Variants in VNN2 observed in about 807,000 individuals in gnomAD.
VNN2 encodes pantetheine hydrolase VNN2.
Under a neutral mutation model 43.0 loss-of-function variants are expected in VNN2, and 43 were observed. The ratio of observed to expected loss-of-function variants is 1.00; its 90% CI spans 0.78 to 1.29. The LOEUF (loss-of-function observed/expected upper bound fraction) is 1.29. Among genes scored for constraint, VNN2 ranks in the 50% most tolerant of loss-of-function variants. VNN2 has a pLI of 0.00. For missense variants in VNN2, 652 were observed against 619.7 expected (o/e 1.05, Z -0.55); for synonymous variants, 230 against 224.3 (o/e 1.03, Z -0.23).
At position 132,752,611 on chromosome 6, in the gene VNN2, CT is replaced by C. The variant is rs1351819165; in HGVS notation, c.675del (p.Asp226IlefsTer14). ...AACAGTATGGTGTCCACATGGAAAT[CT>C]TTCACCAGGGTAACACCAGGATCAT... ...FFYDPGVTLV[K>X]DFHVDTILFP... On this transcript the variant is annotated frameshift_variant, in exon 4 of 7. Coordinates refer to ENST00000326499, the MANE Select transcript of VNN2 (RefSeq NM_004665.6). LOFTEE classifies it high-confidence loss of function. The C allele has an allele frequency of 6.2e-7, 1 of 1,614,150 alleles. No individual in the cohort carries two copies. The highest frequency in any genetic ancestry group is 2.2e-5 in the East Asian group (1 of 44,874).
At chr6:132,762,385 A>G (rs1780759113), upstream of VNN2, among the ~76,000 whole-genome samples, 1 of 152,238 alleles carries the variant, frequency 6.6e-6, no homozygotes, top group Non-Finnish European at 1.5e-5. Context: ...AAATAAGAAT[A>G]AGAAGCAACA....
intron 5 of VNN2, among the ~76,000 whole-genome samples, chr6:132,750,667 A>C (rs1451213048): frequency 6.7e-6 from 1 of 150,338 alleles, no homozygotes; most frequent in East Asian, 1.9e-4. Context: ...GTCTCAAAAA[A>C]AAAAAAAAGA....
chr6:132,753,374 C>G (rs1181935056), intron 3 of VNN2: 5 of 390,340 alleles, frequency 1.3e-5, no homozygotes, highest in African/African-American at 2.1e-5. Flanking sequence ...TCTTTGAATC[C>G]TTGGTGCCTA....
chr6:132,747,762 T>C (rs1010432650), intron 6 of VNN2, among the ~76,000 whole-genome samples: 1 of 152,224 alleles, frequency 6.6e-6, no homozygotes, highest in Non-Finnish European at 1.5e-5. Flanking sequence ...GGGATGAAAT[T>C]TTTAAAACAA....
chr6:132,753,003 A>ACC (rs35794301), intron 3 of VNN2: 46 of 388,818 alleles, frequency 1.2e-4, no homozygotes, highest in South Asian at 7.0e-4. Context: ...AGAGCCAAAT[A>ACC]CCCCCCCATA....
chr6:132,756,436 T>C (rs1780483007), intron 2 of VNN2, among the ~76,000 whole-genome samples: 1 of 152,220 alleles, frequency 6.6e-6, no homozygotes. Context: ...CAGTCCCTCT[T>C]GCTGTTGCCA....
Position 132,744,094 on chromosome 6 carries a change from T to C in VNN2, c.*206A>G, listed in dbSNP as rs1779575771. On this transcript the variant is annotated 3_prime_UTR_variant, in exon 7 of 7. Transcript: ENST00000326499. ...CAAACACCCAGGCTCTTTCCATTGT[T>C]CCACACTGCAACATTTCAGAGTAGC... 1.4e-5 allele frequency: 6 copies of C among 423,220 alleles called. No individual in the cohort carries two copies. The highest frequency in any genetic ancestry group is 1.4e-4 in the Admixed American group (3 of 21,910). The allele number at this position is 423,220 out of a possible 1,614,324, so 26.2% of individuals were successfully genotyped here.
At position 132,744,358 on chromosome 6, in the gene VNN2, T is replaced by G; in HGVS notation, c.1505A>C (p.Tyr502Ser). ...SCGTSNSAITYLLIFILLMII... is the reference protein window; with the variant it reads ...SCGTSNSAITSLLIFILLMII... ...CATTAATAATATGAATATTAGCAGG[T>G]AAGTTATTGCTGAATTGCTGGTCCC... The change falls in exon 7 of 7, where the codon TAC becomes TCC. Residue 502 changes from tyrosine to serine, a missense_variant. Coordinates refer to ENST00000326499, the MANE Select transcript of VNN2 (RefSeq NM_004665.6). The G allele has an allele frequency of 6.2e-7, 1 of 1,612,868 alleles. No homozygotes were observed. The highest frequency in any genetic ancestry group is 1.7e-5 in the Admixed American group (1 of 59,704).
intron 6 of VNN2, 151 bp downstream of exon 6, chr6:132,749,544 C>G: frequency 1.2e-6 from 1 of 813,202 alleles, no homozygotes; most frequent in Admixed American, 3.0e-5. Context: ...ACCCCAAGTT[C>G]AAATTGCCAA....
At chr6:132,746,979 G>T (rs1245549836) in intron 6 of VNN2, among the ~76,000 whole-genome samples, 1 of 152,016 alleles carries the variant, frequency 6.6e-6, no homozygotes, top group Non-Finnish European at 1.5e-5. Context: ...CAATTCCAAA[G>T]ACCCTCCCTG....
At chr6:132,753,227 G>A (rs750476669) in intron 3 of VNN2, 9 of 218,330 alleles carry the variant, frequency 4.1e-5, no homozygotes, top group South Asian at 1.7e-4. Flanking sequence ...GGGTTTCACC[G>A]TGTCAGCCAG....
chr6:132,761,352 C>T (rs1438058625), upstream of VNN2, among the ~76,000 whole-genome samples: 1 of 143,154 alleles, frequency 7.0e-6, no homozygotes, highest in Non-Finnish European at 1.5e-5. Flanking sequence ...CAAAGAGTCA[C>T]CATAAAAAAA....
intron 3 of VNN2, among the ~76,000 whole-genome samples, chr6:132,755,311 G>A (rs941792940): frequency 1.4e-5 from 2 of 139,006 alleles, no homozygotes; most frequent in African/African-American, 5.4e-5. Context: ...TTTTTTAACA[G>A]TTCTCTGCCT....
chr6:132,757,753 G>T lies in VNN2; in HGVS notation c.131C>A (p.Pro44Gln), dbSNP rs1216016247. 6.2e-7 allele frequency: 1 copy of T among 1,614,044 alleles called. No individual in the cohort carries two copies. The highest frequency in any genetic ancestry group is 8.5e-7 in the Non-Finnish European group (1 of 1,180,006). The part of the protein sequence containing the change: ...AVILPNKTET[P>Q]VSQEDALNLM... The stretch of plus-strand genomic sequence containing the variant: ...ATTCAAGGCATCCTCCTGAGAAACT[G>T]GTGTTTCTGTTTTATTTGGCAAAAT... The change falls in exon 1 of 7, where the codon CCA becomes CAA. Residue 44 changes from proline (P) to glutamine (Q), a missense_variant. Transcript: ENST00000326499.
At chr6:132,754,417 T>C (rs1361923161) in intron 3 of VNN2, among the ~76,000 whole-genome samples, 2 of 152,238 alleles carry the variant, frequency 1.3e-5, no homozygotes, top group African/African-American at 4.8e-5. Flanking sequence ...TGAGGACTTA[T>C]GTTAACGATT....
chr6:132,745,923 T>C (rs1779689034), intron 6 of VNN2, among the ~76,000 whole-genome samples: 1 of 151,996 alleles, frequency 6.6e-6, no homozygotes, highest in Non-Finnish European at 1.5e-5. Flanking sequence ...TTAGTTGGAG[T>C]GGAGAAGAAA....
At chr6:132,761,924 C>T (rs1212693959), upstream of VNN2, among the ~76,000 whole-genome samples, 1 of 152,106 alleles carries the variant, frequency 6.6e-6, no homozygotes, top group East Asian at 1.9e-4. Context: ...ATGTGAAAGT[C>T]CTCTGTAAGA....
In VNN2 at chr6:132,744,559, T is replaced by C. The variant is rs966835954; in HGVS notation, c.1372-68A>G. The C allele has an allele frequency of 2.1e-5, 30 of 1,441,444 alleles. No individual in the cohort carries two copies. The Admixed American group carries it at 3.8e-4, about 18-fold the overall frequency. The allele number at this position is 1,441,444 out of a possible 1,614,324, so 89.3% of individuals were successfully genotyped here. ...AGAAGTTAAAAGCAAATTAATCATT[T>C]TGAAACCATCCTAGATATAATGTAT... On this transcript the variant is annotated intron_variant, in intron 6 of 6. Transcript: ENST00000326499.
chr6:132,759,425 C>T (rs576984284), upstream of VNN2, among the ~76,000 whole-genome samples: 54 of 116,356 alleles, frequency 4.6e-4, no homozygotes, highest in Non-Finnish European at 6.1e-4. Context: ...GGCGACAGAG[C>T]GAAACTCCGT....
Sources: allele counts gnomAD v4.1 joint callset (sites outside exome capture counted in the v4.1 genomes callset), GRCh38; gene constraint gnomAD v4.1.1; transcripts MANE v1.5; gene names NCBI Gene and HGNC (gene_info 2026-07-23, HGNC 2026-07-21).